Variants in AHNAK observed in about 807,000 individuals in gnomAD.
AHNAK encodes neuroblast differentiation-associated protein AHNAK.
In AHNAK, 23 loss-of-function variants were observed where a neutral mutation model predicts 37.8. The ratio of observed to expected loss-of-function variants is 0.61; its 90% CI spans 0.44 to 0.86. The LOEUF (loss-of-function observed/expected upper bound fraction) is 0.86, where lower values mean the gene tolerates loss of function less well. Ranked by LOEUF, AHNAK falls within the 40% of genes least tolerant of loss-of-function variation. The pLI, the probability that AHNAK is intolerant of heterozygous loss-of-function variation, is 0.00. For synonymous variants in AHNAK, 2,481 were observed against 2,636.3 expected, an observed-to-expected ratio of 0.94 and a Z score of 1.80; for missense variants, 7,411 against 7,319.4, an observed-to-expected ratio of 1.01 and a Z score of -0.46.
Position 62,438,292 on chromosome 11 carries a change from C to T in AHNAK, c.443-4401G>A, listed in dbSNP as rs188701607. Among the ~76,000 whole-genome samples, 985 of 149,596 alleles carry T rather than the reference C, an allele frequency of 6.6e-3. 8 individuals are homozygous for T. Among genetic ancestry groups the T allele is most frequent in the Non-Finnish European group, 8.1e-3 (551 of 67,738 alleles). On this transcript the variant is annotated intron_variant, in intron 5 of 5. Transcript: ENST00000257247. ...CTGCCTCCCGGGTTCAAGCAATTCT[C>T]CTGCCTCGGACTCCCGAGTAGCTGG...
chr11:62,475,389 T>C (rs1939122821), intron 5 of AHNAK, among the ~76,000 whole-genome samples: 1 of 152,100 alleles, frequency 6.6e-6, no homozygotes, highest in Non-Finnish European at 1.5e-5. Flanking sequence ...TGGAGGCCAT[T>C]ATCCTCAGCA....
Position 62,525,880 on chromosome 11 carries a change from C to T in AHNAK, c.8537G>A (p.Gly2846Asp). The change falls in exon 5 of 5, where the codon GGT becomes GAT. Residue 2846 changes from glycine (G) to aspartate (D), a missense_variant. Transcript: ENST00000378024. ...ATCCACATCTCCTTTTATTTTTGGA[C>T]CTGTGAGATTCAGGTCAATATCTGG... ...SMPDIDLNLT[G>D]PKIKGDVDVT... is the part of the protein sequence containing the mutation. 2 of 1,614,164 alleles carry T rather than the reference C, an allele frequency of 1.2e-6. No individual in the cohort carries two copies. Among genetic ancestry groups the T allele is most frequent in the Non-Finnish European group, 1.7e-6 (2 of 1,180,040 alleles).
intron 4 of AHNAK, among the ~76,000 whole-genome samples, chr11:62,503,021 C>T (rs1479177716): frequency 6.6e-6 from 1 of 152,192 alleles, no homozygotes; most frequent in Non-Finnish European, 1.5e-5. Context: ...GTACAGTTCA[C>T]GCTGGCTTAC....
At chr11:62,480,803 T>TAAAAAAAAAAAAAAA (rs1172126377) in intron 5 of AHNAK, among the ~76,000 whole-genome samples, 1 of 44,492 alleles carries the variant, frequency 2.2e-5, no homozygotes, top group African/African-American at 5.4e-5. Context: ...TGCGTGCAGT[T>TAAAAAAAAAAAAAAA]AAAAAAAAAA....
Position 62,530,121 on chromosome 11 carries a change from T to G in AHNAK, c.4296A>C (p.Ala1432=). The G allele has an allele frequency of 6.2e-7, 1 of 1,614,108 alleles. No individual in the cohort carries two copies. Among genetic ancestry groups the G allele is most frequent in the Non-Finnish European group, 8.5e-7 (1 of 1,180,018 alleles). Residue 1432 remains alanine (A), a synonymous_variant, in exon 5 of 5, where the codon GCA becomes GCC. Coordinates refer to ENST00000378024, the MANE Select transcript of AHNAK (RefSeq NM_001620.3). Reference sequence around the variant, plus strand: ...TCTTGAATTTGGGACCTTTTAGTTTTGCGTCTGGACCTTCAATATTCACAT... The same window carrying G: ...TCTTGAATTTGGGACCTTTTAGTTTGGCGTCTGGACCTTCAATATTCACAT... ...VPDVNIEGPD[A]KLKGPKFKMP... is the part of the protein sequence containing the mutation.
chr11:62,532,882 G>A lies in AHNAK; in HGVS notation c.1535C>T (p.Pro512Leu). 1 of 1,614,088 alleles carries A rather than the reference G, an allele frequency of 6.2e-7. No individual in the cohort carries two copies. The change falls in exon 5 of 5, where the codon CCT becomes CTT. Residue 512 changes from proline to leucine, a missense_variant. Physicochemically the swap from Pro to Leu is moderately conservative, Grantham distance 98. Transcript: ENST00000378024. ...AACCTTAATATCTCCTTTCAGTTTA[G>A]GAGACCCAAGGCTCAGATCCACATC... ...MQDVDLSLGS[P>L]KLKGDIKVSA... is the part of the protein sequence containing the mutation.
chr11:62,477,846 C>T (rs796390439), intron 5 of AHNAK, among the ~76,000 whole-genome samples: 13 of 151,948 alleles, frequency 8.6e-5, no homozygotes, highest in African/African-American at 2.7e-4. Flanking sequence ...CCCAGTCAAG[C>T]CCTGGGCCAA....
chr11:62,495,167 C>A (rs1210959161), intron 4 of AHNAK, among the ~76,000 whole-genome samples: 2 of 151,902 alleles, frequency 1.3e-5, no homozygotes, highest in African/African-American at 4.8e-5. Context: ...ACCACCTCCC[C>A]CAACCCGGGC....
At chr11:62,509,323 T>C (rs930133916) in intron 4 of AHNAK, among the ~76,000 whole-genome samples, 1 of 152,128 alleles carries the variant, frequency 6.6e-6, no homozygotes, top group Non-Finnish European at 1.5e-5. Context: ...ATTCCAGCAC[T>C]TTGGGAGGCC....
intron 1 of AHNAK, among the ~76,000 whole-genome samples, chr11:62,543,176 G>A (rs1165249801): frequency 1.3e-5 from 2 of 152,196 alleles, no homozygotes; most frequent in Non-Finnish European, 2.9e-5. Flanking sequence ...GCACCCCCAA[G>A]GCTGTCCTCA....
In AHNAK at chr11:62,523,913, C is replaced by T. The variant is rs764920157; in HGVS notation, c.10504G>A (p.Asp3502Asn). The stretch of plus-strand genomic sequence containing the variant: ...ATACTTGGGCCCTCTATGTTGATGT[C>T]TCCTTTTGGTAGATCCACAGCTACA... ...PDVAVDLPKGDINIEGPSMNI... is the reference protein window; with the variant it reads ...PDVAVDLPKGNINIEGPSMNI... Residue 3502 changes from aspartate to asparagine, a missense_variant, in exon 5 of 5, where the codon GAC becomes AAC. Physicochemically the swap from Asp to Asn is conservative, Grantham distance 23. Coordinates refer to ENST00000378024, the MANE Select transcript of AHNAK (RefSeq NM_001620.3). 1 of 1,614,108 alleles carries T rather than the reference C, an allele frequency of 6.2e-7. No homozygotes were observed. Among genetic ancestry groups the T allele is most frequent in the Non-Finnish European group, 8.5e-7 (1 of 1,180,022 alleles).
chr11:62,495,104 C>T (rs565996273), intron 4 of AHNAK, among the ~76,000 whole-genome samples: 1 of 151,984 alleles, frequency 6.6e-6, no homozygotes, highest in Non-Finnish European at 1.5e-5. Flanking sequence ...GAAGTCAAGG[C>T]TACAGTGAGC....
intron 5 of AHNAK, among the ~76,000 whole-genome samples, chr11:62,475,230 G>A (rs1401798353): frequency 2.6e-5 from 4 of 152,214 alleles, no homozygotes; most frequent in African/African-American, 9.6e-5. Context: ...TCAAACCCAA[G>A]AGGCAGAGGT....
intron 5 of AHNAK, among the ~76,000 whole-genome samples, chr11:62,453,135 C>G (rs1938577792): frequency 1.3e-5 from 2 of 152,166 alleles, no homozygotes. Flanking sequence ...CAAACCCCAC[C>G]CCCATCTATA....
chr11:62,491,706 C>T, intron 5 of AHNAK: 1 of 1,580,298 alleles, frequency 6.3e-7, no homozygotes, highest in Non-Finnish European at 8.6e-7. Flanking sequence ...GGTCATCCGT[C>T]TTTCAGTCCC....
intron 4 of AHNAK, among the ~76,000 whole-genome samples, chr11:62,499,841 T>C (rs1182537747): frequency 6.6e-6 from 1 of 152,234 alleles, no homozygotes; most frequent in Admixed American, 6.5e-5. Context: ...GAGCTAACTG[T>C]GCTCCATCTG....
Position 62,527,816 on chromosome 11 carries a change from C to T in AHNAK, c.6601G>A (p.Asp2201Asn), listed in dbSNP as rs1221235224. Residue 2201 changes from aspartate (D) to asparagine (N), a missense_variant, in exon 5 of 5, where the codon GAT becomes AAT. By Grantham distance (23) the Asp-to-Asn change is conservative. Coordinates refer to ENST00000378024, the MANE Select transcript of AHNAK (RefSeq NM_001620.3). The part of the protein sequence containing the change: ...LNLKGPKVKG[D>N]MDVSVPKVEG... ...ACCTTGGGAACAGACACATCCATATCCCCTTTGACTTTGGGGCCTTTCAAG... is the reference window on the plus strand; with the variant it reads ...ACCTTGGGAACAGACACATCCATATTCCCTTTGACTTTGGGGCCTTTCAAG... The T allele has an allele frequency of 1.2e-6, 2 of 1,613,558 alleles. No homozygotes were observed. Among genetic ancestry groups the T allele is most frequent in the Admixed American group, 1.7e-5 (1 of 59,936 alleles).
In AHNAK at chr11:62,522,834, G is replaced by A. The variant is rs776003355; in HGVS notation, c.11583C>T (p.Phe3861=). 3 of 1,612,976 alleles carry A rather than the reference G, an allele frequency of 1.9e-6. No individual in the cohort carries two copies. The highest frequency in any genetic ancestry group is 1.7e-6 in the Non-Finnish European group (2 of 1,179,810). ...CTTTGATGTTCATCTCAGGCATCTT[G>A]AATTTGGGACCTTTCAACTTTCCCT... ...GPEGKLKGPK[F]KMPEMNIKAP... is the part of the protein sequence containing the mutation. The change falls in exon 5 of 5, where the codon TTC becomes TTT. Residue 3861 remains phenylalanine, a synonymous_variant. Coordinates refer to ENST00000378024, the MANE Select transcript of AHNAK (RefSeq NM_001620.3).
chr11:62,468,574 A>C (rs1339128929), intron 5 of AHNAK, among the ~76,000 whole-genome samples: 1 of 152,134 alleles, frequency 6.6e-6, no homozygotes, highest in Non-Finnish European at 1.5e-5. Context: ...CCACCAAGCC[A>C]AAACTGTTCA....
Sources: allele counts gnomAD v4.1 joint callset (sites outside exome capture counted in the v4.1 genomes callset), GRCh38; gene constraint gnomAD v4.1.1; transcripts MANE v1.5; gene names NCBI Gene and HGNC (gene_info 2026-07-23, HGNC 2026-07-21).